Variants in MARCHF1 observed in about 807,000 individuals in gnomAD.
The protein encoded by MARCHF1 is membrane associated ring-CH-type finger 1.
In MARCHF1, 40 loss-of-function variants were observed where a neutral mutation model predicts 54.2. The ratio of observed to expected loss-of-function variants is 0.74; its 90% CI spans 0.57 to 0.96. The LOEUF is 0.96. MARCHF1 is among the 40% of genes least tolerant of loss of function. MARCHF1 has a pLI of 0.00. For missense variants in MARCHF1, 586 were observed against 656.5 expected, an observed-to-expected ratio of 0.89 and a Z score of 1.17; for synonymous variants, 236 against 236.3, an observed-to-expected ratio of 1.00 and a Z score of 0.01.
At position 163,995,585 on chromosome 4, in the gene MARCHF1, T is replaced by A. The variant is rs77577657; in HGVS notation, c.-247-6876A>T. Among the ~76,000 whole-genome samples, 532 of 152,140 alleles carry A rather than the reference T, an allele frequency of 3.5e-3. 6 individuals are homozygous for A. The highest frequency in any genetic ancestry group is 0.012 in the African/African-American group (487 of 41,536). ...AACTCATTAGTATGCAAAAAAGACA[T>A]CACTTTGGCAATTCTAAGGATTTTA... On this transcript the variant is annotated intron_variant, in intron 2 of 9. Coordinates refer to ENST00000514618, the MANE Select transcript of MARCHF1 (RefSeq NM_001394959.1).
intron 1 of MARCHF1, among the ~76,000 whole-genome samples, chr4:164,254,885 G>GC (rs1452308583): frequency 2.0e-5 from 3 of 152,090 alleles, no homozygotes; most frequent in African/African-American, 4.8e-5. Context: ...TTTTGGCAAC[G>GC]CCCACACAGA....
At chr4:164,255,069 T>C (rs1286938571) in intron 1 of MARCHF1, among the ~76,000 whole-genome samples, 1 of 152,180 alleles carries the variant, frequency 6.6e-6, no homozygotes, top group Non-Finnish European at 1.5e-5. Flanking sequence ...ACTATACACA[T>C]ACACATATGT....
intron 4 of MARCHF1, among the ~76,000 whole-genome samples, chr4:163,741,470 C>G (rs1002565822): frequency 2.6e-5 from 4 of 151,912 alleles, no homozygotes; most frequent in Admixed American, 2.0e-4. Flanking sequence ...GTAATCCCAG[C>G]TACTCAGGAA....
chr4:164,170,606 G>A lies in MARCHF1; in HGVS notation c.-322-58944C>T, dbSNP rs557011727. ...GGTTCCTTCCCTCAAAAAGCCAAGA[G>A]TCTGTTAGGGTTGCCCAATAAATTC... is the stretch of plus-strand genomic sequence containing the variant. On this transcript the variant is annotated intron_variant, in intron 1 of 9. Coordinates refer to ENST00000514618, the MANE Select transcript of MARCHF1 (RefSeq NM_001394959.1). 3.3e-5 allele frequency among the ~76,000 whole-genome samples: 5 copies of A among 152,160 alleles called. No individual in the cohort carries two copies. The South Asian group carries it at 1.0e-3, about 32-fold the overall frequency.
intron 4 of MARCHF1, among the ~76,000 whole-genome samples, chr4:163,712,739 A>G (rs1318996729): frequency 6.6e-6 from 1 of 152,196 alleles, no homozygotes; most frequent in Non-Finnish European, 1.5e-5. Context: ...ACAAGGACTT[A>G]AATACGGATC....
chr4:164,148,532 G>A (rs1049008158), intron 1 of MARCHF1, among the ~76,000 whole-genome samples: 1 of 151,746 alleles, frequency 6.6e-6, no homozygotes, highest in African/African-American at 2.4e-5. Flanking sequence ...TTTTCAGTCT[G>A]TAAAAATCTT....
At chr4:163,711,021 G>T (rs916851369) in intron 4 of MARCHF1, among the ~76,000 whole-genome samples, 13 of 151,756 alleles carry the variant, frequency 8.6e-5, no homozygotes, top group African/African-American at 3.1e-4. Context: ...CAAAAAACTT[G>T]CCACACCTCT....
intron 4 of MARCHF1, 100 bp downstream of exon 4, chr4:163,853,921 A>G (rs1401926714): frequency 9.6e-7 from 1 of 1,045,220 alleles, no homozygotes; most frequent in Non-Finnish European, 1.3e-6. Flanking sequence ...ATACTGTTGT[A>G]AACAACGATA....
chr4:164,115,354 T>C (rs145584684), intron 1 of MARCHF1, among the ~76,000 whole-genome samples: 161 of 152,158 alleles, frequency 1.1e-3, no homozygotes, highest in African/African-American at 3.8e-3. Flanking sequence ...TGTTGAAGAA[T>C]AGAGACTAAA....
intron 5 of MARCHF1, among the ~76,000 whole-genome samples, chr4:163,671,472 C>T (rs1743733814): frequency 6.6e-6 from 1 of 152,184 alleles, no homozygotes. Context: ...TCAGAAAGAG[C>T]ACAATGCAAG....
At chr4:163,540,335 C>T (rs1738681769) in intron 9 of MARCHF1, among the ~76,000 whole-genome samples, 1 of 152,068 alleles carries the variant, frequency 6.6e-6, no homozygotes, top group African/African-American at 2.4e-5. Flanking sequence ...TGGCTGGGTG[C>T]TTAGGGTATG....
At chr4:163,716,091 T>C (rs1185946788) in intron 4 of MARCHF1, among the ~76,000 whole-genome samples, 1 of 152,188 alleles carries the variant, frequency 6.6e-6, no homozygotes, top group Non-Finnish European at 1.5e-5. Context: ...AAAATCCATA[T>C]ACTTATGTAA....
intron 3 of MARCHF1, among the ~76,000 whole-genome samples, chr4:163,969,918 G>A (rs4056332): frequency 0.63 from 95,687 of 152,014 alleles, 30,398 homozygotes; most frequent in East Asian, 0.89. Flanking sequence ...GAAAATCATT[G>A]TTTAAATAAG....
chr4:163,673,062 G>A (rs945794858), intron 5 of MARCHF1, among the ~76,000 whole-genome samples: 1 of 152,156 alleles, frequency 6.6e-6, no homozygotes, highest in Admixed American at 6.5e-5. Context: ...TGCTGTGGAA[G>A]GCAACATAGT....
At chr4:164,092,436 G>C (rs1360056263) in intron 2 of MARCHF1, among the ~76,000 whole-genome samples, 1 of 152,112 alleles carries the variant, frequency 6.6e-6, no homozygotes, top group Non-Finnish European at 1.5e-5. Flanking sequence ...TGGGGGAGCT[G>C]ACTGAGGGCT....
At chr4:163,907,800 T>C (rs1383537672) in intron 3 of MARCHF1, among the ~76,000 whole-genome samples, 2 of 152,174 alleles carry the variant, frequency 1.3e-5, no homozygotes, top group African/African-American at 4.8e-5. Flanking sequence ...GATTCCTTTA[T>C]ATCTTCACCA....
intron 4 of MARCHF1, among the ~76,000 whole-genome samples, chr4:163,785,593 G>T (rs1747595729): frequency 6.6e-6 from 1 of 151,906 alleles, no homozygotes; most frequent in Non-Finnish European, 1.5e-5. Context: ...ATATCTAGTG[G>T]TTGTTAATGG....
chr4:164,177,148 G>A (rs1280567768), intron 1 of MARCHF1, among the ~76,000 whole-genome samples: 1 of 151,488 alleles, frequency 6.6e-6, no homozygotes, highest in Non-Finnish European at 1.5e-5. Flanking sequence ...CTAGACAGGA[G>A]TAGGACATTT....
intron 8 of MARCHF1, among the ~76,000 whole-genome samples, chr4:163,553,069 G>C (rs1739169224): frequency 6.7e-6 from 1 of 148,614 alleles, no homozygotes. Context: ...GAGCGCTCTG[G>C]GTTCAAATTC....
Sources: gnomAD v4.1 joint callset for allele counts (sites outside exome capture counted in the v4.1 genomes callset) on GRCh38, gnomAD v4.1.1 for gene constraint, MANE v1.5 for transcripts, NCBI Gene and HGNC (gene_info 2026-07-23, HGNC 2026-07-21) for gene names.